Variants in LDHB observed in about 807,000 individuals in gnomAD.
The protein encoded by LDHB is lactate dehydrogenase B.
LDHB carries 18 observed loss-of-function variants against 33.4 expected under a neutral mutation model. That is an observed-to-expected ratio of 0.54 (90% CI 0.37 to 0.80). The LOEUF is 0.80. LDHB is among the 30% of genes least tolerant of loss of function. The pLI is 0.00. For synonymous variants in LDHB, 121 were observed against 140.6 expected, an observed-to-expected ratio of 0.86 and a Z score of 0.98; for missense variants, 345 against 407.9, an observed-to-expected ratio of 0.85 and a Z score of 1.33.
chr12:21,641,183 G>C, intron 5 of LDHB, among the ~76,000 whole-genome samples: 1 of 152,062 alleles, frequency 6.6e-6, no homozygotes, highest in South Asian at 2.1e-4. Flanking sequence ...AAATTACAAA[G>C]GAAAAGCAGT....
Position 21,642,216 on chromosome 12 carries a change from T to C in LDHB, c.422-91A>G, listed in dbSNP as rs1938394902. 2.1e-5 allele frequency: 17 copies of C among 824,496 alleles called. No individual in the cohort carries two copies. In the South Asian group the frequency reaches 2.1e-4, roughly 10 times the overall value. The allele number at this position is 824,496 out of a possible 1,614,324, so 51.1% of individuals were successfully genotyped here. ...GGTGCCCTGGCTTCCCTTTTCCCAC[T>C]TCCCCACTCCCCAAATGAGATGTGG... On this transcript the variant is annotated intron_variant, in intron 4 of 7. Coordinates refer to ENST00000350669, the MANE Select transcript of LDHB (RefSeq NM_002300.8).
At chr12:21,650,150 ACGTC>A (rs1200539829) in intron 2 of LDHB, among the ~76,000 whole-genome samples, 3 of 146,014 alleles carry the variant, frequency 2.1e-5, no homozygotes, top group African/African-American at 7.7e-5. Context: ...ACACACACAC[ACGTC>A]TCTCTCTCCA....
In LDHB at chr12:21,635,357, A is replaced by G. The variant is rs1173224998; in HGVS notation, c.*185T>C. ...GAAACAGAAGCACACTACAATAGTT[A>G]ATTTTATTTGTTCAAGAGCTCAGAT... is the stretch of plus-strand genomic sequence containing the variant. On this transcript the variant is annotated 3_prime_UTR_variant, in exon 8 of 8. Transcript: ENST00000350669. The G allele has an allele frequency of 6.5e-6, 4 of 613,568 alleles. No homozygotes were observed. Among genetic ancestry groups the G allele is most frequent in the Admixed American group, 2.8e-5 (1 of 35,580 alleles). The allele number at this position is 613,568 out of a possible 1,614,324, so 38.0% of individuals were successfully genotyped here. A position where few individuals can be genotyped will look rare whatever the true frequency, so the allele number is the denominator to read the frequency against.
intron 5 of LDHB, among the ~76,000 whole-genome samples, 182 bp downstream of exon 5, chr12:21,641,770 T>C (rs1389474178): frequency 1.3e-5 from 2 of 151,998 alleles, no homozygotes; most frequent in African/African-American, 2.4e-5. Flanking sequence ...AGATGATAGG[T>C]AGATAGAGAG....
chr12:21,654,463 T>C, intron 2 of LDHB, 80 bp downstream of exon 2: 1 of 1,337,420 alleles, frequency 7.5e-7, no homozygotes, highest in Non-Finnish European at 1.1e-6. Context: ...TTTAAAGATA[T>C]AATAAAATTC....
intron 3 of LDHB, among the ~76,000 whole-genome samples, chr12:21,644,604 G>C (rs1356344565): frequency 6.6e-6 from 1 of 152,118 alleles, no homozygotes; most frequent in Admixed American, 6.6e-5. Flanking sequence ...AGCGCTGCAA[G>C]TTTCCCTGGA....
At chr12:21,642,200 G>T in intron 4 of LDHB, 75 bp from the exon 5 acceptor site, 2 of 1,053,450 alleles carry the variant, frequency 1.9e-6, no homozygotes, top group Non-Finnish European at 3.0e-6. Context: ...GGGTGCCCTG[G>T]CTTCCCTTTT....
intron 5 of LDHB, among the ~76,000 whole-genome samples, chr12:21,638,733 TAA>T (rs895780627): frequency 6.6e-6 from 1 of 151,946 alleles, no homozygotes; most frequent in Non-Finnish European, 1.5e-5. Flanking sequence ...ACAGAGAAAA[TAA>T]AATTCTTTGC....
chr12:21,646,065 T>C (rs2136972381), intron 3 of LDHB, among the ~76,000 whole-genome samples: 1 of 152,344 alleles, frequency 6.6e-6, no homozygotes, highest in South Asian at 2.1e-4. Context: ...ATGTAAGTGA[T>C]ACTTGAGTTT....
At position 21,657,744 on chromosome 12, in the gene LDHB, A is replaced by C. The variant is rs192065564; in HGVS notation, c.-7+7T>G. On this transcript the variant is annotated splice_region_variant and intron_variant, in intron 1 of 7. Transcript: ENST00000350669. ...GCCAGGATTCAGGGTCCTGAGCCGA[A>C]ACCTACCAGGAGAGAGAAGGCTCTG... The C allele has an allele frequency of 6.6e-6, 1 of 152,480 alleles. No homozygotes were observed. Among genetic ancestry groups the C allele is most frequent in the Admixed American group, 6.5e-5 (1 of 15,308 alleles). The allele number at this position is 152,480 out of a possible 1,614,324, so 9.4% of individuals were successfully genotyped here.
At chr12:21,644,487 G>A (rs1458201796) in intron 3 of LDHB, among the ~76,000 whole-genome samples, 4 of 140,362 alleles carry the variant, frequency 2.8e-5, no homozygotes, top group East Asian at 2.1e-4. Context: ...ATCTTAAAAA[G>A]TTAAAATTTA....
chr12:21,649,169 T>G (rs1591833606), intron 2 of LDHB, among the ~76,000 whole-genome samples: 1 of 152,320 alleles, frequency 6.6e-6, no homozygotes, highest in East Asian at 1.9e-4. Flanking sequence ...ATCACATGTG[T>G]GCTGCTGAAA....
At chr12:21,644,150 C>T in intron 3 of LDHB, 42 bp from the exon 4 acceptor site, 1 of 1,379,828 alleles carries the variant, frequency 7.2e-7, no homozygotes, top group East Asian at 2.3e-5. Context: ...AAATGCAACT[C>T]TTCATTATAA....
chr12:21,643,069 A>G (rs1284899159), intron 4 of LDHB, among the ~76,000 whole-genome samples: 2 of 152,240 alleles, frequency 1.3e-5, no homozygotes, highest in African/African-American at 4.8e-5. Context: ...TTTATATATA[A>G]GACTGAACCA....
Position 21,644,060 on chromosome 12 carries a change from A to G in LDHB, c.296T>C (p.Val99Ala). 6.2e-7 allele frequency: 1 copy of G among 1,613,430 alleles called. No homozygotes were observed. Among genetic ancestry groups the G allele is most frequent in the East Asian group, 2.2e-5 (1 of 44,840 alleles). The change falls in exon 4 of 8, where the codon GTC becomes GCC. Residue 99 changes from valine (V) to alanine (A), a missense_variant. Coordinates refer to ENST00000350669, the MANE Select transcript of LDHB (RefSeq NM_002300.8). Reference sequence around the variant, plus strand: ...CCGACTCTCCCCTTCTTGCTGACGGACTCCTGCAGTTACCACTACAATCTT... The same window carrying G: ...CCGACTCTCCCCTTCTTGCTGACGGGCTCCTGCAGTTACCACTACAATCTT... ...NSKIVVVTAG[V>A]RQQEGESRLN...
intron 2 of LDHB, among the ~76,000 whole-genome samples, chr12:21,648,414 T>A (rs776180615): frequency 1.3e-5 from 2 of 152,122 alleles, no homozygotes; most frequent in African/African-American, 2.4e-5. Flanking sequence ...AATACTGTAT[T>A]TTCAATATAC....
chr12:21,654,322 C>T (rs1938776534), intron 2 of LDHB: 1 of 552,034 alleles, frequency 1.8e-6, no homozygotes, highest in Admixed American at 3.1e-5. Context: ...GTGTTAAATT[C>T]TCTAAGTGTA....
In LDHB at chr12:21,654,623, C is replaced by T. The variant is rs750649581; in HGVS notation, c.49G>A (p.Ala17Thr). 3.7e-6 allele frequency: 6 copies of T among 1,613,798 alleles called. No homozygotes were observed. In the African/African-American group the frequency reaches 5.3e-5, roughly 14 times the overall value. ...KLIAPVAEEE[A>T]TVPNNKITVV... Reference sequence around the variant, plus strand: ...GTGATCTTATTGTTTGGAACTGTTGCCTCTTCTTCCGCAACTGGTGCAATG... The same window carrying T: ...GTGATCTTATTGTTTGGAACTGTTGTCTCTTCTTCCGCAACTGGTGCAATG... The change falls in exon 2 of 8, where the codon GCA becomes ACA. Residue 17 changes from alanine (A) to threonine (T), a missense_variant. Ala to Thr is a moderately conservative substitution (Grantham distance 58). Transcript: ENST00000350669.
chr12:21,638,516 AT>A (rs1565625231), intron 5 of LDHB, 46 bp from the exon 6 acceptor site: 1 of 1,284,508 alleles, frequency 7.8e-7, no homozygotes, highest in Non-Finnish European at 1.1e-6. Context: ...TTCTTACATT[AT>A]TTTAAAAAAT....
Sources: allele counts gnomAD v4.1 joint callset (sites outside exome capture counted in the v4.1 genomes callset), GRCh38; gene constraint gnomAD v4.1.1; transcripts MANE v1.5; gene names NCBI Gene and HGNC (gene_info 2026-07-23, HGNC 2026-07-21).